The following SOX6 variants were observed in gnomAD, a reference collection of about 807,000 sequenced individuals.
SOX6 encodes the protein SRY-box transcription factor 6.
Under a neutral mutation model 97.8 loss-of-function variants are expected in SOX6, and 11 were observed. That is an observed-to-expected ratio of 0.11 (90% CI 0.07 to 0.19). The LOEUF is 0.19. SOX6 is among the 10% of genes least tolerant of loss of function. The probability of loss-of-function intolerance (pLI) is 1.00; values close to 1 mark genes in which losing one functional copy is unlikely to be tolerated. For synonymous variants in SOX6, 360 were observed against 371.4 expected, an observed-to-expected ratio of 0.97 and a Z score of 0.35; for missense variants, 810 against 1,039.5, an observed-to-expected ratio of 0.78 and a Z score of 3.04.
chr11:16,520,445 C>T (rs769427067), intron 4 of SOX6, among the ~76,000 whole-genome samples: 1 of 152,182 alleles, frequency 6.6e-6, no homozygotes, highest in Non-Finnish European at 1.5e-5. Context: ...TTAACCGTGT[C>T]TTCCAAATTC....
intron 4 of SOX6, among the ~76,000 whole-genome samples, chr11:16,204,959 A>G (rs2134133100): frequency 1.3e-5 from 2 of 152,212 alleles, no homozygotes; most frequent in South Asian, 4.1e-4. Context: ...CTCTTTTTAA[A>G]AAAAAATCAA....
intron 1 of SOX6, among the ~76,000 whole-genome samples, chr11:16,412,740 TTC>T (rs1338365426): frequency 6.6e-6 from 1 of 152,170 alleles, no homozygotes; most frequent in African/African-American, 2.4e-5. Flanking sequence ...GTTTTTCTCC[TTC>T]TCTCTCTCAG....
At chr11:16,706,474 AT>A (rs55719823) in intron 3 of SOX6, among the ~76,000 whole-genome samples, 4 of 13,780 alleles carry the variant, frequency 2.9e-4, no homozygotes, top group African/African-American at 9.3e-4. Context: ...AAAAAAAAAT[AT>A]ATATATATAT....
At chr11:16,332,285 T>C (rs1444277741) in intron 2 of SOX6, among the ~76,000 whole-genome samples, 1 of 152,110 alleles carries the variant, frequency 6.6e-6, no homozygotes, top group Non-Finnish European at 1.5e-5. Context: ...TGCAAAAAAT[T>C]ATTACTCACC....
intron 1 of SOX6, among the ~76,000 whole-genome samples, chr11:16,410,512 T>C (rs2133055073): frequency 6.6e-6 from 1 of 152,244 alleles, no homozygotes; most frequent in South Asian, 2.1e-4. Context: ...ACACCAGCAC[T>C]TTGGGAGACC....
chr11:16,553,827 G>A (rs1847718232), intron 4 of SOX6, among the ~76,000 whole-genome samples: 1 of 152,106 alleles, frequency 6.6e-6, no homozygotes, highest in East Asian at 1.9e-4. Flanking sequence ...TATTATTCAA[G>A]TCCTATGCCA....
chr11:16,433,659 C>T (rs189537843), intron 1 of SOX6, among the ~76,000 whole-genome samples: 22 of 151,998 alleles, frequency 1.4e-4, no homozygotes, highest in Non-Finnish European at 2.9e-4. Flanking sequence ...TAACCCATCC[C>T]TCAAACTCAG....
chr11:16,421,915 A>G (rs530916982), intron 1 of SOX6, among the ~76,000 whole-genome samples: 3 of 152,306 alleles, frequency 2.0e-5, no homozygotes, highest in Admixed American at 6.5e-5. Flanking sequence ...AAACAGAACC[A>G]TTTGGAAAAT....
intron 4 of SOX6, among the ~76,000 whole-genome samples, chr11:16,563,767 T>A (rs908675887): frequency 5.9e-5 from 9 of 151,892 alleles, no homozygotes; most frequent in African/African-American, 1.9e-4. Flanking sequence ...GTTGAGCAAA[T>A]CCCAAGCAGG....
intron 6 of SOX6, among the ~76,000 whole-genome samples, chr11:16,143,281 C>A (rs537638786): frequency 1.5e-3 from 228 of 152,216 alleles, no homozygotes; most frequent in African/African-American, 5.4e-3. Context: ...AAATAAAATC[C>A]TTTACAGAGA....
intron 3 of SOX6, among the ~76,000 whole-genome samples, chr11:16,698,207 T>TC (rs1363299577): frequency 6.6e-6 from 1 of 152,210 alleles, no homozygotes; most frequent in African/African-American, 2.4e-5. Context: ...GTAGTCACCT[T>TC]CATCATGATC....
intron 6 of SOX6, among the ~76,000 whole-genome samples, chr11:16,116,246 T>C (rs1849345609): frequency 6.6e-6 from 1 of 152,184 alleles, no homozygotes; most frequent in African/African-American, 2.4e-5. Flanking sequence ...TTGTTTTCTA[T>C]ATGTCAAACA....
At position 16,706,470 on chromosome 11, in the gene SOX6, AAATATATATATATATATATATATATAT is replaced by A. The variant is rs1564873506; in HGVS notation, n.429+8333_429+8359del. 4.2e-4 allele frequency among the ~76,000 whole-genome samples: 13 copies of A among 30,678 alleles called. 2 individuals are homozygous for A. Among genetic ancestry groups the A allele is most frequent in the African/African-American group, 2.2e-3 (13 of 5,804 alleles). 20.1% of individuals were successfully genotyped at this position (30,678 alleles called of 152,430 possible). ...ATCACAAAAAAAAAAAAAAAAAAAAAAATATATATATATATATATATATATATATATATATATATATATATATATATA... is the reference window on the plus strand; with the variant it reads ...ATCACAAAAAAAAAAAAAAAAAAAAAATATATATATATATATATATATATA... On this transcript the variant is annotated intron_variant and non_coding_transcript_variant, in intron 3 of 5. Transcript: ENST00000524520.
At chr11:16,332,231 G>T (rs140575070) in intron 2 of SOX6, among the ~76,000 whole-genome samples, 1 of 152,024 alleles carries the variant, frequency 6.6e-6, no homozygotes, top group African/African-American at 2.4e-5. Context: ...TTCTGAATTC[G>T]TTCATGGATT....
chr11:16,650,499 A>T (rs1022485945), intron 3 of SOX6, among the ~76,000 whole-genome samples: 4 of 152,118 alleles, frequency 2.6e-5, no homozygotes, highest in Non-Finnish European at 5.9e-5. Context: ...AAACACATGG[A>T]TATTAAATAA....
intron 6 of SOX6, among the ~76,000 whole-genome samples, chr11:16,132,225 CA>C (rs1176742242): frequency 9.6e-6 from 1 of 104,108 alleles, no homozygotes. Flanking sequence ...AGCTGCTTCT[CA>C]AAAAAAAAGA....
At chr11:16,426,926 A>C (rs1183497838) in intron 1 of SOX6, among the ~76,000 whole-genome samples, 10 of 149,442 alleles carry the variant, frequency 6.7e-5, no homozygotes, top group African/African-American at 2.2e-4. Flanking sequence ...AAAAAAAAAA[A>C]AAAAAAAAAA....
chr11:16,262,633 C>T (rs1439425161), intron 3 of SOX6, among the ~76,000 whole-genome samples: 1 of 151,998 alleles, frequency 6.6e-6, no homozygotes, highest in African/African-American at 2.4e-5. Context: ...TTAGAGAGTG[C>T]ATTTGCCAGA....
chr11:16,519,079 A>G (rs530431068), intron 4 of SOX6, among the ~76,000 whole-genome samples: 16 of 152,292 alleles, frequency 1.1e-4, no homozygotes, highest in African/African-American at 3.8e-4. Flanking sequence ...ATCCACTAGT[A>G]CATGTCCCAG....
Sources: gnomAD v4.1 joint callset for allele counts (sites outside exome capture counted in the v4.1 genomes callset) on GRCh38, gnomAD v4.1.1 for gene constraint, MANE v1.5 for transcripts, NCBI Gene and HGNC (gene_info 2026-07-23, HGNC 2026-07-21) for gene names.